The following POLM variants were observed in gnomAD, a reference collection of about 807,000 sequenced individuals.
POLM encodes DNA polymerase mu.
In POLM, 52 loss-of-function variants were observed where a neutral mutation model predicts 56.7. That is an observed-to-expected ratio of 0.92 (90% CI 0.73 to 1.15). The LOEUF (loss-of-function observed/expected upper bound fraction) is 1.15, where lower values mean the gene tolerates loss of function less well. Ranked by LOEUF, POLM falls within the 50% of genes most tolerant of loss-of-function variation. The probability of loss-of-function intolerance (pLI) is 0.00; values close to 1 mark genes in which losing one functional copy is unlikely to be tolerated. For missense variants in POLM, 660 were observed against 663.6 expected (o/e 0.99, Z 0.06); for synonymous variants, 273 against 274.3 (o/e 1.00, Z 0.05).
At position 44,082,481 on chromosome 7, in the gene POLM, A is replaced by C. The variant is rs2096203235; in HGVS notation, c.-43T>G. 5 of 979,798 alleles carry C rather than the reference A, an allele frequency of 5.1e-6. No individual in the cohort carries two copies. In the South Asian group the frequency reaches 1.2e-4, roughly 23 times the overall value. The allele number at this position is 979,798 out of a possible 1,614,324, so 60.7% of individuals were successfully genotyped here. ...GCAGCGCGGAGCGAACGCAGAGGGA[A>C]ACTCCGAGCGAGACGGAAGGAAGCC... On this transcript the variant is annotated 5_prime_UTR_variant, in exon 1 of 11. Coordinates refer to ENST00000242248, the MANE Select transcript of POLM (RefSeq NM_013284.4).
intron 7 of POLM, 75 bp from the exon 8 acceptor site, chr7:44,074,308 G>C: frequency 2.6e-6 from 4 of 1,542,704 alleles, no homozygotes; most frequent in East Asian, 2.4e-5. Context: ...CCCTTCCAAC[G>C]AGTGGGCCCG....
rs1586022628 is a variant in POLM, at chr7:44,078,954, G to A, written c.643-143C>T. ...GCAGAGACAACTTTGTGAGGTCAGG[G>A]TCCAGTAGGACCTGGAAATGGAGAC... On this transcript the variant is annotated intron_variant, in intron 4 of 10. Transcript: ENST00000242248. The A allele has an allele frequency of 2.4e-5, 15 of 634,178 alleles. No homozygotes were observed. The East Asian group carries it at 4.2e-4, about 18-fold the overall frequency. The allele number at this position is 634,178 out of a possible 1,614,324, so 39.3% of individuals were successfully genotyped here.
intron 4 of POLM, 117 bp from the exon 5 acceptor site, chr7:44,078,928 G>A (rs28382643): frequency 6.6e-5 from 49 of 743,222 alleles, no homozygotes; most frequent in South Asian, 7.3e-5. Flanking sequence ...TCCAACACCC[G>A]GCAGAGACAA....
At chr7:44,078,108 T>C (rs2096188733) in intron 5 of POLM, among the ~76,000 whole-genome samples, 1 of 152,186 alleles carries the variant, frequency 6.6e-6, no homozygotes, top group Admixed American at 6.5e-5. Flanking sequence ...CAAGGGTACA[T>C]TTGGTTCACA....
intron 10 of POLM, 109 bp downstream of exon 10, chr7:44,073,516 A>G: frequency 6.3e-7 from 1 of 1,592,556 alleles, no homozygotes; most frequent in Non-Finnish European, 8.6e-7. Context: ...GGAGACCCAG[A>G]TTCGGGTCCT....
chr7:44,073,456 G>T, intron 10 of POLM, 79 bp from the exon 11 acceptor site: 1 of 1,584,920 alleles, frequency 6.3e-7, no homozygotes, highest in Non-Finnish European at 8.6e-7. Context: ...GGGTGGGGAA[G>T]AGCCCAGCGC....
At position 44,079,593 on chromosome 7, in the gene POLM, T is replaced by C. The variant is rs760083434; in HGVS notation, c.620A>G (p.Glu207Gly). 6.2e-6 allele frequency: 10 copies of C among 1,613,740 alleles called. No homozygotes were observed. The South Asian group carries it at 1.1e-4, about 18-fold the overall frequency. ...TACCTGGACAACCCTAGAGGAGTGT[T>C]CTCCAAAGTGGGGAAGCCCCTGCAG... ...SQLQGLPHFG[E>G]HSSRVVQELL... Residue 207 changes from glutamate to glycine, a missense_variant, in exon 4 of 11, where the codon GAA becomes GGA. Glu to Gly is a moderately conservative substitution (Grantham distance 98). Transcript: ENST00000242248.
intron 2 of POLM, chr7:44,080,251 C>T (rs769950479): frequency 9.0e-5 from 48 of 531,756 alleles, no homozygotes; most frequent in Non-Finnish European, 1.6e-4. Flanking sequence ...CCAATCCTCA[C>T]AACCAAGCGG....
intron 1 of POLM, among the ~76,000 whole-genome samples, chr7:44,081,283 C>A (rs1586028601): frequency 1.3e-5 from 2 of 152,336 alleles, no homozygotes; most frequent in East Asian, 3.9e-4. Flanking sequence ...CCCAGCTCTG[C>A]CTGCCACATA....
At position 44,079,796 on chromosome 7, in the gene POLM, T is replaced by C. The variant is rs764118640; in HGVS notation, c.472-55A>G. 6.2e-6 allele frequency: 10 copies of C among 1,608,542 alleles called. 1 individual carries two copies. The highest frequency in any genetic ancestry group is 3.3e-5 in the South Asian group (3 of 90,926). ...GGGTGGGCAGCTCCAATCCCCCACC[T>C]ACCACCCATCTGTACCCTTGTCCCC... On this transcript the variant is annotated intron_variant, in intron 3 of 10. Transcript: ENST00000242248.
chr7:44,073,479 T>C (rs1157428377), intron 10 of POLM, 102 bp from the exon 11 acceptor site: 2 of 1,579,844 alleles, frequency 1.3e-6, no homozygotes, highest in Non-Finnish European at 1.7e-6. Flanking sequence ...AGGTGGGGTG[T>C]GCTCTTGAGG....
chr7:44,081,827 G>A (rs1183561666), intron 1 of POLM, among the ~76,000 whole-genome samples: 1 of 147,472 alleles, frequency 6.8e-6, no homozygotes, highest in Non-Finnish European at 1.5e-5. Flanking sequence ...CTCACTGCAA[G>A]CTCCGCCTCC....
intron 5 of POLM, 149 bp from the exon 6 acceptor site, chr7:44,076,778 G>T: frequency 1.0e-6 from 1 of 963,334 alleles, no homozygotes; most frequent in Non-Finnish European, 1.5e-6. Flanking sequence ...ACAGGGCAAG[G>T]ATTCAAACCT....
intron 6 of POLM, among the ~76,000 whole-genome samples, 192 bp from the exon 7 acceptor site, chr7:44,074,722 C>G (rs973288182): frequency 5.9e-5 from 9 of 152,250 alleles, no homozygotes; most frequent in African/African-American, 9.6e-5. Context: ...TTCTCTCCCC[C>G]TTTAAATTTT....
intron 6 of POLM, chr7:44,076,025 C>T (rs1231398910): frequency 6.4e-6 from 1 of 155,392 alleles, no homozygotes; most frequent in African/African-American, 2.4e-5. Flanking sequence ...AGGTGTGAGT[C>T]ACCATGCCCA....
chr7:44,076,751 G>A (rs1029993135), intron 5 of POLM, 122 bp from the exon 6 acceptor site: 35 of 1,235,524 alleles, frequency 2.8e-5, no homozygotes, highest in East Asian at 1.5e-4. Flanking sequence ...GTCCCCACTC[G>A]CAACCTGCCG....
At chr7:44,073,442 C>CT (rs769635499) in intron 10 of POLM, 65 bp from the exon 11 acceptor site, 5 of 1,591,790 alleles carry the variant, frequency 3.1e-6, no homozygotes, top group African/African-American at 2.7e-5. Context: ...TGCAGGAAGA[C>CT]TGAGGGTGGG....
Position 44,074,017 on chromosome 7 carries a change from G to C in POLM, c.1080C>G (p.Ile360Met), listed in dbSNP as rs1392111768. 1.2e-6 allele frequency: 2 copies of C among 1,613,880 alleles called. No individual in the cohort carries two copies. The change falls in exon 9 of 11, where the codon ATC becomes ATG. Residue 360 changes from isoleucine (I) to methionine (M), a missense_variant. Physicochemically the swap from Ile to Met is conservative, Grantham distance 10. Transcript: ENST00000242248. ...VMCRLQDQGL[I>M]LYHQHQHSCC... ...AGCTGTGCTGGTGCTGGTGGTACAG[G>C]ATGAGGCCCTGTGGGGAGAGGCGGG... is the stretch of plus-strand genomic sequence containing the variant.
chr7:44,075,527 G>A (rs925862782), intron 6 of POLM, among the ~76,000 whole-genome samples: 3 of 152,158 alleles, frequency 2.0e-5, no homozygotes, highest in South Asian at 2.1e-4. Flanking sequence ...GAAGATGTGC[G>A]AAGAGGCAGT....
Sources: allele counts gnomAD v4.1 joint callset (sites outside exome capture counted in the v4.1 genomes callset), GRCh38; gene constraint gnomAD v4.1.1; transcripts MANE v1.5; gene names NCBI Gene and HGNC (gene_info 2026-07-23, HGNC 2026-07-21).